PRELID2: variants seen among roughly 807,000 people sequenced by gnomAD.
PRELID2 encodes PRELI domain containing 2.
PRELID2 carries 25 observed loss-of-function variants against 28.4 expected under a neutral mutation model. That is an observed-to-expected ratio of 0.88 (90% CI 0.64 to 1.23). The LOEUF (loss-of-function observed/expected upper bound fraction) is 1.23, where lower values mean the gene tolerates loss of function less well. PRELID2 is among the 50% of genes most tolerant of loss of function. PRELID2 has a pLI of 0.00. For missense variants in PRELID2, 201 were observed against 214.4 expected, an observed-to-expected ratio of 0.94 and a Z score of 0.39; for synonymous variants, 76 against 71.6, an observed-to-expected ratio of 1.06 and a Z score of -0.31.
At chr5:145,712,480 T>G (rs1755720854) in intron 1 of PRELID2, among the ~76,000 whole-genome samples, 1 of 152,170 alleles carries the variant, frequency 6.6e-6, no homozygotes, top group Non-Finnish European at 1.5e-5. Flanking sequence ...AAGATCCAGG[T>G]GTTAAACATC....
chr5:145,414,327 G>A, the PRELID2 span, among the ~76,000 whole-genome samples: 32,731 of 152,076 alleles, frequency 0.22, 3,792 homozygotes, highest in South Asian at 0.33. Context: ...TTGATTGGCT[G>A]CTCTTGTTGT....
At chr5:145,373,333 GAT>G in the PRELID2 span, among the ~76,000 whole-genome samples, 2 of 80,916 alleles carry the variant, frequency 2.5e-5, no homozygotes, top group Non-Finnish European at 4.8e-5. Context: ...TATAATATAC[GAT>G]ATATATTACA....
At chr5:145,448,286 G>C in the PRELID2 span, among the ~76,000 whole-genome samples, 7 of 151,160 alleles carry the variant, frequency 4.6e-5, no homozygotes, top group South Asian at 1.3e-3. Context: ...AGAAGTGTCT[G>C]TTCATGTCCT....
intron 1 of PRELID2, among the ~76,000 whole-genome samples, chr5:145,582,263 A>C (rs560172295): frequency 2.6e-5 from 4 of 152,178 alleles, no homozygotes; most frequent in African/African-American, 9.6e-5. Context: ...TTATTGACTC[A>C]CAGTTCTGCA....
At chr5:145,644,915 G>T (rs1023118584) in intron 1 of PRELID2, among the ~76,000 whole-genome samples, 2 of 152,176 alleles carry the variant, frequency 1.3e-5, no homozygotes, top group Non-Finnish European at 2.9e-5. Flanking sequence ...TGCATTTGCT[G>T]AGGAGTGCCT....
At chr5:145,376,443 A>T in the PRELID2 span, among the ~76,000 whole-genome samples, 10 of 152,160 alleles carry the variant, frequency 6.6e-5, no homozygotes, top group East Asian at 1.9e-4. Flanking sequence ...CTTCTCCTCA[A>T]TTTTTTTGTA....
chr5:145,547,348 T>C (rs1329763157), intron 1 of PRELID2, among the ~76,000 whole-genome samples: 1 of 152,186 alleles, frequency 6.6e-6, no homozygotes, highest in Non-Finnish European at 1.5e-5. Flanking sequence ...GTCCATTTTA[T>C]CTTCTGTAGC....
At chr5:145,602,133 T>A (rs1753407191) in intron 1 of PRELID2, among the ~76,000 whole-genome samples, 1 of 152,172 alleles carries the variant, frequency 6.6e-6, no homozygotes, top group Non-Finnish European at 1.5e-5. Context: ...ATGCAGATTC[T>A]GGTAGTCAGA....
the PRELID2 span, among the ~76,000 whole-genome samples, chr5:145,238,989 C>G: frequency 6.6e-6 from 1 of 151,936 alleles, no homozygotes; most frequent in Non-Finnish European, 1.5e-5. Flanking sequence ...ATCTATCTGT[C>G]TATCTATCTA....
the PRELID2 span, among the ~76,000 whole-genome samples, chr5:145,356,383 C>T: frequency 1.3e-5 from 2 of 151,886 alleles, no homozygotes; most frequent in Non-Finnish European, 2.9e-5. Context: ...TAATATCCCG[C>T]TATTATTGTG....
chr5:145,822,042 T>C (rs912578508), intron 2 of PRELID2, among the ~76,000 whole-genome samples: 1 of 152,260 alleles, frequency 6.6e-6, no homozygotes, highest in Middle Eastern at 3.4e-3. Flanking sequence ...AGAAAATGCA[T>C]ATACAAGCAA....
At chr5:145,326,724 T>G in the PRELID2 span, among the ~76,000 whole-genome samples, 1 of 151,930 alleles carries the variant, frequency 6.6e-6, no homozygotes, top group Non-Finnish European at 1.5e-5. Context: ...TGTATCCATA[T>G]GAAAAAATAG....
At chr5:145,799,623 T>C (rs1752996831) in intron 4 of PRELID2, among the ~76,000 whole-genome samples, 1 of 152,134 alleles carries the variant, frequency 6.6e-6, no homozygotes, top group Non-Finnish European at 1.5e-5. Flanking sequence ...CCACAAGTTA[T>C]CTAAAAATGC....
At chr5:145,795,976 G>A (rs1752719880) in intron 5 of PRELID2, 1 of 152,504 alleles carries the variant, frequency 6.6e-6, no homozygotes, top group Admixed American at 6.5e-5. Context: ...TGGACAATTG[G>A]GGTCTCTGTA....
chr5:145,494,718 G>A (rs1029792646), intron 1 of PRELID2, among the ~76,000 whole-genome samples: 1 of 152,116 alleles, frequency 6.6e-6, no homozygotes, highest in Non-Finnish European at 1.5e-5. Context: ...TGTACCATGA[G>A]AAGAAAAGAA....
chr5:145,401,681 T>A, the PRELID2 span, among the ~76,000 whole-genome samples: 8 of 152,204 alleles, frequency 5.3e-5, no homozygotes, highest in South Asian at 1.2e-3. Flanking sequence ...TGAGACACTT[T>A]GGTCAAATGA....
intron 1 of PRELID2, among the ~76,000 whole-genome samples, chr5:145,499,773 A>T (rs1481512044): frequency 2.0e-5 from 3 of 152,228 alleles, no homozygotes; most frequent in Non-Finnish European, 4.4e-5. Flanking sequence ...TGACCCCGAA[A>T]TGAAAGGACA....
the PRELID2 span, among the ~76,000 whole-genome samples, chr5:145,286,012 C>T: frequency 6.6e-6 from 1 of 152,136 alleles, no homozygotes; most frequent in African/African-American, 2.4e-5. Flanking sequence ...TTCTCAGTCC[C>T]AGCAAAACCA....
At chr5:145,825,453 T>C (rs1474961738) in intron 1 of PRELID2, among the ~76,000 whole-genome samples, 5 of 152,108 alleles carry the variant, frequency 3.3e-5, no homozygotes, top group African/African-American at 1.2e-4. Context: ...AAATTATAAC[T>C]TGTACACTAA....
Sources: gnomAD v4.1 joint callset for allele counts (sites outside exome capture counted in the v4.1 genomes callset) on GRCh38, gnomAD v4.1.1 for gene constraint, MANE v1.5 for transcripts, NCBI Gene and HGNC (gene_info 2026-07-23, HGNC 2026-07-21) for gene names.